Variants in STARD10 observed in about 807,000 individuals in gnomAD.
The protein encoded by STARD10 is StAR related lipid transfer domain containing 10.
In STARD10, 24 loss-of-function variants were observed where a neutral mutation model predicts 36.0. The observed-to-expected ratio is 0.67, with a 90% CI of 0.48 to 0.94. The LOEUF is 0.94. Ranked by LOEUF, STARD10 falls within the 40% of genes least tolerant of loss-of-function variation. STARD10 has a pLI of 0.00. For synonymous variants in STARD10, 156 were observed against 161.9 expected, an observed-to-expected ratio of 0.96 and a Z score of 0.28; for missense variants, 335 against 396.6, an observed-to-expected ratio of 0.84 and a Z score of 1.32.
At chr11:72,785,005 T>C (rs1213722108) in intron 1 of STARD10, among the ~76,000 whole-genome samples, 1 of 152,066 alleles carries the variant, frequency 6.6e-6, no homozygotes, top group Non-Finnish European at 1.5e-5. Flanking sequence ...CTCCAGTAAC[T>C]CAGGATTGAT....
At chr11:72,763,468 G>A (rs1338851930) in intron 2 of STARD10, among the ~76,000 whole-genome samples, 1 of 152,208 alleles carries the variant, frequency 6.6e-6, no homozygotes, top group Non-Finnish European at 1.5e-5. Flanking sequence ...GTCAGGTGTT[G>A]CCTGGTAGGA....
chr11:72,778,509 C>T (rs1294617903), intron 2 of STARD10, among the ~76,000 whole-genome samples: 1 of 152,228 alleles, frequency 6.6e-6, no homozygotes, highest in East Asian at 1.9e-4. Flanking sequence ...ACTAGCTGTG[C>T]TGAGAGGATC....
intron 1 of STARD10, chr11:72,785,894 A>AC (rs963674662): frequency 8.6e-6 from 1 of 116,698 alleles, no homozygotes; most frequent in African/African-American, 3.2e-5. Context: ...CTTCTCCCCC[A>AC]CCCCCTCCTC....
At chr11:72,791,955 A>T (rs1859148282) in intron 1 of STARD10, among the ~76,000 whole-genome samples, 1 of 149,770 alleles carries the variant, frequency 6.7e-6, no homozygotes, top group Non-Finnish European at 1.5e-5. Context: ...GCCCACGACA[A>T]CCTCCGCCTC....
chr11:72,781,016 C>G lies in STARD10; in HGVS notation c.166G>C (p.Val56Leu). 1 of 1,614,178 alleles carries G rather than the reference C, an allele frequency of 6.2e-7. No homozygotes were observed. Among genetic ancestry groups the G allele is most frequent in the South Asian group, 1.1e-5 (1 of 91,086 alleles). The part of the protein sequence containing the change: ...TYSRAGVSVW[V>L]QAVEMDRTLH... ...GTCCGATCCATCTCCACAGCCTGCA[C>G]CCAGACAGACACCCCAGCCCTGCTA... Residue 56 changes from valine (V) to leucine (L), a missense_variant, in exon 2 of 7, where the codon GTG (valine) becomes CTG (leucine). Transcript: ENST00000334805. The surrounding 1 kb of genome is among the most constrained non-coding windows in gnomAD (Gnocchi z 4.7).
chr11:72,786,643 C>A (rs993003372), intron 1 of STARD10, among the ~76,000 whole-genome samples: 6 of 152,202 alleles, frequency 3.9e-5, no homozygotes, highest in African/African-American at 1.4e-4. Flanking sequence ...ACCTGCACTT[C>A]TCCTAATGTC....
rs112385820 is a variant in STARD10, at chr11:72,781,297, G to A, written c.-113-3C>T. 1 of 869,308 alleles carries A rather than the reference G, an allele frequency of 1.2e-6. No homozygotes were observed. The highest frequency in any genetic ancestry group is 1.8e-6 in the Non-Finnish European group (1 of 564,858). The allele number at this position is 869,308 out of a possible 1,614,324, so 53.8% of individuals were successfully genotyped here. On this transcript the variant is annotated splice_polypyrimidine_tract_variant and splice_region_variant and intron_variant, in intron 1 of 6. Transcript: ENST00000334805. This position sits in a 1 kb window ranked among gnomAD's most constrained non-coding sequence, Gnocchi z 4.7. ...TGCTGACGCCACCTTCCTGGGACCT[G>A]CAAGACCGGTTTGGGGACGGGAATC...
At chr11:72,765,689 G>A (rs1329839969) in intron 2 of STARD10, among the ~76,000 whole-genome samples, 2 of 151,990 alleles carry the variant, frequency 1.3e-5, no homozygotes, top group Non-Finnish European at 2.9e-5. Flanking sequence ...CTCAAAAATA[G>A]GCCGGGCACA....
intron 4 of STARD10, among the ~76,000 whole-genome samples, chr11:72,758,135 A>G (rs1168466033): frequency 6.6e-6 from 1 of 152,200 alleles, no homozygotes; most frequent in Non-Finnish European, 1.5e-5. Flanking sequence ...TCATGAGCAC[A>G]TATGGGCACT....
chr11:72,775,416 A>T (rs983509330), intron 2 of STARD10, among the ~76,000 whole-genome samples: 2 of 152,044 alleles, frequency 1.3e-5, no homozygotes, highest in Non-Finnish European at 2.9e-5. Context: ...CTAGCTCTCT[A>T]ATCACCTCCA....
chr11:72,755,589 G>C (rs751158395), intron 6 of STARD10, 112 bp downstream of exon 6: 1 of 1,264,454 alleles, frequency 7.9e-7, no homozygotes, highest in South Asian at 1.2e-5. Flanking sequence ...GGGATTACAG[G>C]CATGAGCCAC....
intron 1 of STARD10, among the ~76,000 whole-genome samples, chr11:72,786,589 T>C (rs968197999): frequency 1.3e-5 from 2 of 152,136 alleles, no homozygotes; most frequent in Non-Finnish European, 2.9e-5. Flanking sequence ...GGAGCCACAC[T>C]GTAGTGCGCA....
At chr11:72,785,084 C>G (rs1021137277) in intron 1 of STARD10, among the ~76,000 whole-genome samples, 3 of 152,140 alleles carry the variant, frequency 2.0e-5, no homozygotes, top group African/African-American at 7.2e-5. Flanking sequence ...TCACTACCCC[C>G]TGATGGCTGT....
intron 2 of STARD10, among the ~76,000 whole-genome samples, chr11:72,760,296 G>A (rs774759739): frequency 5.9e-5 from 9 of 151,874 alleles, no homozygotes; most frequent in African/African-American, 1.2e-4. Context: ...GCGTGATCTC[G>A]GCTCACTGCA....
rs745890814 is a variant in STARD10 at position 72,754,860 on chromosome 11, GC to G, written c.*36del. ...AGGAGCGGCCGCCGCCCCAGGGCTCGCCCGGTCCTGTCTCCGTCCCTGAAGC... is the reference window on the plus strand; with the variant it reads ...AGGAGCGGCCGCCGCCCCAGGGCTCGCCGGTCCTGTCTCCGTCCCTGAAGC... On this transcript the variant is annotated 3_prime_UTR_variant, in exon 7 of 7. Coordinates refer to ENST00000334805, the MANE Select transcript of STARD10 (RefSeq NM_006645.3). The G allele has an allele frequency of 3.2e-6, 5 of 1,570,864 alleles. No homozygotes were observed. In the African/African-American group the frequency reaches 7.6e-5, roughly 24 times the overall value.
intron 6 of STARD10, 128 bp downstream of exon 6, chr11:72,755,573 A>T (rs1412854053): frequency 9.1e-7 from 1 of 1,101,200 alleles, no homozygotes; most frequent in South Asian, 1.3e-5. Flanking sequence ...GGCCTCCCAA[A>T]GTGCTGGGAT....
chr11:72,782,700 C>T (rs1358257731), intron 1 of STARD10, among the ~76,000 whole-genome samples: 2 of 152,318 alleles, frequency 1.3e-5, no homozygotes, highest in Non-Finnish European at 1.5e-5. Context: ...CCTGCACCAG[C>T]GCTCCTGCCA....
At chr11:72,755,227 C>T in intron 6 of STARD10, 85 bp from the exon 7 acceptor site, 1 of 1,462,940 alleles carries the variant, frequency 6.8e-7, no homozygotes, top group Non-Finnish European at 9.1e-7. Flanking sequence ...CAGCCCCCAG[C>T]ATCCTGACTG....
intron 1 of STARD10, among the ~76,000 whole-genome samples, chr11:72,787,386 G>A (rs955461523): frequency 2.0e-5 from 3 of 152,124 alleles, no homozygotes; most frequent in African/African-American, 7.2e-5. Context: ...AATCCCTACC[G>A]CCACCACCAT....
Sources: allele counts gnomAD v4.1 joint callset (sites outside exome capture counted in the v4.1 genomes callset), GRCh38; gene constraint gnomAD v4.1.1; non-coding constraint Gnocchi (gnomAD v3.1); transcripts MANE v1.5; gene names NCBI Gene and HGNC (gene_info 2026-07-23, HGNC 2026-07-21).